Variants in RREB1 observed in about 807,000 individuals in gnomAD.
RREB1 encodes ras-responsive element-binding protein 1.
RREB1 carries 27 observed loss-of-function variants against 117.8 expected under a neutral mutation model. That is an observed-to-expected ratio of 0.23 (90% confidence interval 0.17 to 0.32). RREB1 has a LOEUF of 0.32. RREB1 is among the 10% of genes least tolerant of loss of function. The pLI is 1.00. For synonymous variants in RREB1, 1,298 were observed against 1,026.7 expected, an observed-to-expected ratio of 1.26 and a Z score of -5.05; for missense variants, 2,577 against 2,378.2, an observed-to-expected ratio of 1.08 and a Z score of -1.74.
At chr6:7,184,313 G>T (rs974756088) in intron 4 of RREB1, among the ~76,000 whole-genome samples, 2 of 149,830 alleles carry the variant, frequency 1.3e-5, no homozygotes, top group African/African-American at 4.9e-5. Context: ...TAGAGACAGG[G>T]TCTCTATTTC....
At chr6:7,161,815 C>T (rs1763679039) in intron 1 of RREB1, among the ~76,000 whole-genome samples, 1 of 152,192 alleles carries the variant, frequency 6.6e-6, no homozygotes, top group South Asian at 2.1e-4. Context: ...TTGCTTCCAC[C>T]CACCAGCTGT....
At chr6:7,195,265 C>A (rs1765610546) in intron 6 of RREB1, among the ~76,000 whole-genome samples, 1 of 152,028 alleles carries the variant, frequency 6.6e-6, no homozygotes. Context: ...CAGAAAGTTG[C>A]AAATAATGAG....
At chr6:7,175,345 T>G (rs1764445812) in intron 1 of RREB1, among the ~76,000 whole-genome samples, 1 of 147,676 alleles carries the variant, frequency 6.8e-6, no homozygotes, top group African/African-American at 2.5e-5. Context: ...GAGTATAGAG[T>G]ATGTGCATTG....
chr6:7,142,417 G>A (rs1177935500), intron 1 of RREB1, among the ~76,000 whole-genome samples: 1 of 152,172 alleles, frequency 6.6e-6, no homozygotes, highest in Non-Finnish European at 1.5e-5. Flanking sequence ...CCTGCCCTCG[G>A]TGTCAAGTCT....
intron 10 of RREB1, among the ~76,000 whole-genome samples, chr6:7,234,160 C>A (rs1581581641): frequency 6.6e-6 from 1 of 152,192 alleles, no homozygotes; most frequent in Non-Finnish European, 1.5e-5. Flanking sequence ...AGCAACCATT[C>A]TAATGATGAC....
Position 7,230,678 on chromosome 6 carries a change from C to G in RREB1, c.2579C>G (p.Thr860Ser). ...CAALGDCKPL[T>S]AFLEPQNGFL... ...GCCCTTGGTGACTGCAAGCCCCTCA[C>G]TGCCTTCCTGGAACCCCAGAACGGC... The change falls in exon 10 of 13, where the codon ACT (threonine) becomes AGT (serine). Residue 860 changes from threonine (T) to serine (S), a missense_variant. Coordinates refer to ENST00000379938, the MANE Select transcript of RREB1 (RefSeq NM_001003699.4). 6.3e-7 allele frequency: 1 copy of G among 1,593,938 alleles called. No homozygotes were observed. Among genetic ancestry groups the G allele is most frequent in the Non-Finnish European group, 8.6e-7 (1 of 1,169,360 alleles).
chr6:7,247,803 G>T (rs1281412964), intron 12 of RREB1, among the ~76,000 whole-genome samples: 3 of 152,164 alleles, frequency 2.0e-5, no homozygotes, highest in African/African-American at 7.2e-5. Flanking sequence ...GAGCAGGGGC[G>T]CTTACTTTGA....
chr6:7,150,627 G>A (rs1454723165), intron 1 of RREB1, among the ~76,000 whole-genome samples: 1 of 152,204 alleles, frequency 6.6e-6, no homozygotes, highest in Non-Finnish European at 1.5e-5. Flanking sequence ...CCAGAAATAG[G>A]AATTCGTTGT....
chr6:7,189,419 G>A lies in RREB1; in HGVS notation c.425+97G>A, dbSNP rs567539866. Reference sequence around the variant, plus strand: ...GAGCCTTCAGAAGACTTGCCTAAAGGTACAGAGAGTTCTGGAGCTCTGTCC... The same window carrying A: ...GAGCCTTCAGAAGACTTGCCTAAAGATACAGAGAGTTCTGGAGCTCTGTCC... On this transcript the variant is annotated intron_variant, in intron 6 of 12. Transcript: ENST00000379938. The A allele has an allele frequency of 7.0e-6, 8 of 1,144,042 alleles. No individual in the cohort carries two copies. The African/African-American group carries it at 7.9e-5, about 11-fold the overall frequency. The allele number at this position is 1,144,042 out of a possible 1,614,324, so 70.9% of individuals were successfully genotyped here.
chr6:7,131,476 G>A (rs554690829), intron 1 of RREB1, among the ~76,000 whole-genome samples: 2 of 152,198 alleles, frequency 1.3e-5, no homozygotes, highest in African/African-American at 4.8e-5. Context: ...CAACTTAAAA[G>A]TTCACTGTTA....
At chr6:7,228,089 T>C (rs1767690781) in intron 9 of RREB1, among the ~76,000 whole-genome samples, 1 of 152,142 alleles carries the variant, frequency 6.6e-6, no homozygotes, top group African/African-American at 2.4e-5. Flanking sequence ...GCCTTGAAAT[T>C]ATTTTTTTCC....
In RREB1 at chr6:7,161,691, A is replaced by G. The variant is rs570199642; in HGVS notation, c.-284-14964A>G. Among the ~76,000 whole-genome samples, 34 of 152,204 alleles carry G rather than the reference A, an allele frequency of 2.2e-4. No individual in the cohort carries two copies. In the South Asian group the frequency reaches 6.8e-3, roughly 31 times the overall value. Reference sequence around the variant, plus strand: ...TTAAAACAAAACTCCTCTAAATCCTACTTGATAACCATCCATGCTCTTTAC... The same window carrying G: ...TTAAAACAAAACTCCTCTAAATCCTGCTTGATAACCATCCATGCTCTTTAC... On this transcript the variant is annotated intron_variant, in intron 1 of 12. Coordinates refer to ENST00000379938, the MANE Select transcript of RREB1 (RefSeq NM_001003699.4).
chr6:7,189,299 T>C lies in RREB1; in HGVS notation c.402T>C (p.Phe134=). 2 of 1,596,676 alleles carry C rather than the reference T, an allele frequency of 1.3e-6. No individual in the cohort carries two copies. The highest frequency in any genetic ancestry group is 1.7e-6 in the Non-Finnish European group (2 of 1,170,896). Residue 134 remains phenylalanine (F), a synonymous_variant, in exon 6 of 13, where the codon TTT becomes TTC. Transcript: ENST00000379938. ...AGTGCACTGTGTGTGGCCAGTCATTTACCACCAATGGGAACATGCACAGGT... is the reference window on the plus strand; with the variant it reads ...AGTGCACTGTGTGTGGCCAGTCATTCACCACCAATGGGAACATGCACAGGT... The part of the protein sequence containing the change: ...PYKCTVCGQS[F]TTNGNMHRHM...
At chr6:7,135,166 A>AG (rs1417577354) in intron 1 of RREB1, among the ~76,000 whole-genome samples, 2 of 152,218 alleles carry the variant, frequency 1.3e-5, no homozygotes, top group Non-Finnish European at 2.9e-5. Flanking sequence ...AAACAGAAAA[A>AG]GATATACTTC....
intron 1 of RREB1, among the ~76,000 whole-genome samples, chr6:7,110,067 C>T (rs1001318037): frequency 3.9e-5 from 6 of 152,174 alleles, no homozygotes; most frequent in African/African-American, 1.4e-4. Flanking sequence ...ATGATTTCTG[C>T]AAAGGCAGAG....
At chr6:7,224,677 C>T (rs139362230) in intron 8 of RREB1, among the ~76,000 whole-genome samples, 301 of 152,252 alleles carry the variant, frequency 2.0e-3, no homozygotes, top group Non-Finnish European at 3.4e-3. Context: ...TCTGCTTCCC[C>T]GCAGGATCTG....
chr6:7,211,173 A>G (rs537553091), intron 7 of RREB1, among the ~76,000 whole-genome samples: 27 of 152,322 alleles, frequency 1.8e-4, no homozygotes, highest in African/African-American at 5.8e-4. Flanking sequence ...AGCTTTTACA[A>G]TTGTTTCCAT....
Position 7,246,578 on chromosome 6 carries a change from G to C in RREB1, c.4128G>C (p.Pro1376=). Residue 1376 remains proline (P), a synonymous_variant, in exon 12 of 13, where the codon CCG becomes CCC. Transcript: ENST00000379938. ...AGGCCACGGCGGAAACGGCCTCGCCGGTGCACCGGGAAGAGCACGGGCGTG... is the reference window on the plus strand; with the variant it reads ...AGGCCACGGCGGAAACGGCCTCGCCCGTGCACCGGGAAGAGCACGGGCGTG... ...VEQATAETAS[P]VHREEHGRGE... The C allele has an allele frequency of 1.3e-6, 2 of 1,551,394 alleles. No homozygotes were observed. Among genetic ancestry groups the C allele is most frequent in the Non-Finnish European group, 1.7e-6 (2 of 1,147,800 alleles).
intron 1 of RREB1, among the ~76,000 whole-genome samples, chr6:7,133,775 G>A (rs1299306071): frequency 1.3e-5 from 2 of 151,994 alleles, no homozygotes; most frequent in African/African-American, 4.8e-5. Flanking sequence ...GATGCAAAAA[G>A]GAAAAAGGAA....
Sources: allele counts gnomAD v4.1 joint callset (sites outside exome capture counted in the v4.1 genomes callset), GRCh38; gene constraint gnomAD v4.1.1; transcripts MANE v1.5; gene names NCBI Gene and HGNC (gene_info 2026-07-23, HGNC 2026-07-21).